Variants in MANBA observed in about 807,000 individuals in gnomAD.
The protein encoded by MANBA is beta-mannosidase.
Under a neutral mutation model 111.1 loss-of-function variants are expected in MANBA, and 83 were observed. That is an observed-to-expected ratio of 0.75 (90% CI 0.63 to 0.90). The LOEUF is 0.90. Among genes scored for constraint, MANBA ranks in the 40% least tolerant of loss-of-function variants. The pLI is 0.00. For synonymous variants in MANBA, 370 were observed against 378.7 expected, an observed-to-expected ratio of 0.98 and a Z score of 0.27; for missense variants, 1,036 against 1,069.0, an observed-to-expected ratio of 0.97 and a Z score of 0.43.
At chr4:102,698,665 G>T (rs1732857223) in intron 5 of MANBA, among the ~76,000 whole-genome samples, 1 of 151,922 alleles carries the variant, frequency 6.6e-6, no homozygotes, top group South Asian at 2.1e-4. Context: ...TCAGATAGTT[G>T]TAGATATACA....
At chr4:102,652,582 T>G (rs1730384611) in intron 12 of MANBA, among the ~76,000 whole-genome samples, 1 of 152,120 alleles carries the variant, frequency 6.6e-6, no homozygotes, top group African/African-American at 2.4e-5. Flanking sequence ...AAAAGAATAT[T>G]AACTTATTTG....
rs566856313 is a variant in MANBA, at chr4:102,632,774, T to C, written c.2416-493A>G. ...ATTAGAGCTTATCTCTTTTACTGCA[T>C]AGTTAAGTAAAGTCACATTATTAGC... On this transcript the variant is annotated intron_variant, in intron 16 of 16. Coordinates refer to ENST00000647097, the MANE Select transcript of MANBA (RefSeq NM_005908.4). 5.3e-5 allele frequency among the ~76,000 whole-genome samples: 8 copies of C among 152,356 alleles called. No homozygotes were observed. The South Asian group carries it at 1.7e-3, about 32-fold the overall frequency.
rs926261595 is a variant in MANBA at position 102,630,828 on chromosome 4, A to T, written c.*1229T>A. 1 of 152,242 alleles carries T rather than the reference A, an allele frequency of 6.6e-6. No individual in the cohort carries two copies. Among genetic ancestry groups the T allele is most frequent in the Non-Finnish European group, 1.5e-5 (1 of 68,042 alleles). 9.4% of individuals were successfully genotyped at this position (152,242 alleles called of 1,614,324 possible). A position where few individuals can be genotyped will look rare whatever the true frequency, so the allele number is the denominator to read the frequency against. ...TGGGTGTTACCACTCCCATTTAGCCACAAGAAAACTGAGCACAGGAAGTTA... is the reference window on the plus strand; with the variant it reads ...TGGGTGTTACCACTCCCATTTAGCCTCAAGAAAACTGAGCACAGGAAGTTA... On this transcript the variant is annotated 3_prime_UTR_variant, in exon 17 of 17. Coordinates refer to ENST00000647097, the MANE Select transcript of MANBA (RefSeq NM_005908.4).
At chr4:102,720,958 TAATGTA>T (rs1317630303) in intron 4 of MANBA, among the ~76,000 whole-genome samples, 3 of 152,240 alleles carry the variant, frequency 2.0e-5, no homozygotes, top group Non-Finnish European at 4.4e-5. Flanking sequence ...ACATATTAGC[TAATGTA>T]ACAGTTCTAC....
chr4:102,729,425 T>C, intron 1 of MANBA: 1 of 1,235,356 alleles, frequency 8.1e-7, no homozygotes, highest in East Asian at 2.3e-5. Flanking sequence ...GAGCGGCTGT[T>C]GTCCATGGGC....
At chr4:102,653,490 G>A (rs891832106) in intron 12 of MANBA, among the ~76,000 whole-genome samples, 4 of 152,114 alleles carry the variant, frequency 2.6e-5, no homozygotes, top group African/African-American at 7.2e-5. Context: ...AAAGAGATAT[G>A]TTTTAATCAA....
At chr4:102,714,585 A>C in intron 4 of MANBA, 24 bp from the exon 5 acceptor site, 1 of 1,600,978 alleles carries the variant, frequency 6.2e-7, no homozygotes, top group Non-Finnish European at 8.6e-7. Flanking sequence ...GAGAAAAAGA[A>C]GATATATTCT....
chr4:102,655,965 T>C (rs1730540047), intron 12 of MANBA, among the ~76,000 whole-genome samples: 1 of 152,172 alleles, frequency 6.6e-6, no homozygotes, highest in African/African-American at 2.4e-5. Flanking sequence ...AATTTTAAAA[T>C]GATCAGGCCA....
At position 102,727,652 on chromosome 4, in the gene MANBA, C is replaced by G. The variant is rs1351550674; in HGVS notation, c.178-969G>C. The stretch of plus-strand genomic sequence containing the variant: ...TTGTATTCCCATTGTGTTTCACAGT[C>G]TTCTCTAAGTTGAACGCAGTCTCAG... On this transcript the variant is annotated intron_variant, in intron 1 of 16. Transcript: ENST00000647097. 2.0e-6 allele frequency: 3 copies of G among 1,484,102 alleles called. No individual in the cohort carries two copies. In the Admixed American group the frequency reaches 5.1e-5, roughly 25 times the overall value. The allele number at this position is 1,484,102 out of a possible 1,614,324, so 91.9% of individuals were successfully genotyped here.
chr4:102,680,712 A>G (rs2110232997), intron 7 of MANBA, among the ~76,000 whole-genome samples: 1 of 152,376 alleles, frequency 6.6e-6, no homozygotes, highest in Non-Finnish European at 1.5e-5. Context: ...TGAACTCCAC[A>G]GTGAATACTG....
chr4:102,635,009 A>G lies in MANBA; in HGVS notation c.2194T>C (p.Cys732Arg). The change falls in exon 16 of 17, where the codon TGC (cysteine) becomes CGC (arginine). Residue 732 changes from cysteine (C) to arginine (R), a missense_variant. Physicochemically the swap from Cys to Arg is radical, Grantham distance 180. Transcript: ENST00000647097. Reference protein sequence around the residue: ...VHTWSSLEPVCSRVTERFVMK... With the variant: ...VHTWSSLEPVRSRVTERFVMK... ...ACAAAACGTTCAGTCACACGAGAGC[A>G]CACGGGCTCCAGGGAGCTCCATGTA... 3 of 1,614,214 alleles carry G rather than the reference A, an allele frequency of 1.9e-6. No homozygotes were observed. The highest frequency in any genetic ancestry group is 2.5e-6 in the Non-Finnish European group (3 of 1,179,996).
At chr4:102,728,784 TC>T in intron 1 of MANBA, 2 of 954,420 alleles carry the variant, frequency 2.1e-6, no homozygotes, top group Non-Finnish European at 3.2e-6. Context: ...GACACCAGCC[TC>T]CCATCATGGG....
intron 7 of MANBA, among the ~76,000 whole-genome samples, chr4:102,688,119 G>A (rs1270287091): frequency 5.4e-4 from 82 of 151,996 alleles, no homozygotes; most frequent in Non-Finnish European, 4.4e-5. Context: ...GTAGTAAGTT[G>A]GAATGACTCA....
intron 1 of MANBA, among the ~76,000 whole-genome samples, chr4:102,731,024 A>G (rs997658131): frequency 6.6e-6 from 1 of 152,112 alleles, no homozygotes; most frequent in African/African-American, 2.4e-5. Flanking sequence ...GGGTCAGCTC[A>G]AACTGTGCAG....
intron 16 of MANBA, among the ~76,000 whole-genome samples, chr4:102,632,862 G>A (rs2866406): frequency 0.55 from 83,617 of 152,072 alleles, 23,435 homozygotes; most frequent in African/African-American, 0.63. Flanking sequence ...AATTTAAATC[G>A]TGTTGGCTCC....
chr4:102,668,951 G>C lies in MANBA; in HGVS notation c.1317+12C>G. ...ATTTGTTTTATTTCTTCTTGGAAGG[G>C]TAGTAACATACCTGGTAGGCAACTT... On this transcript the variant is annotated intron_variant, in intron 10 of 16. Coordinates refer to ENST00000647097, the MANE Select transcript of MANBA (RefSeq NM_005908.4). 1 of 1,587,326 alleles carries C rather than the reference G, an allele frequency of 6.3e-7. No individual in the cohort carries two copies. The highest frequency in any genetic ancestry group is 8.6e-7 in the Non-Finnish European group (1 of 1,156,192).
intron 1 of MANBA, chr4:102,753,890 T>G (rs1239185489): frequency 2.3e-6 from 1 of 430,118 alleles, no homozygotes; most frequent in African/African-American, 2.1e-5. Flanking sequence ...CGAGACCAGC[T>G]TGAGCAACAC....
In MANBA at chr4:102,752,472, T is replaced by C; in HGVS notation, c.177+8246A>G. The stretch of plus-strand genomic sequence containing the variant: ...AGCAACTGATTTCAGGATCTTTAGA[T>C]AACATTGTCAAGTTGTGGGATACAA... On this transcript the variant is annotated intron_variant, in intron 1 of 16. Transcript: ENST00000647097. 3.9e-6 allele frequency: 3 copies of C among 763,290 alleles called. No individual in the cohort carries two copies. In the Admixed American group the frequency reaches 5.2e-5, roughly 13 times the overall value. The allele number at this position is 763,290 out of a possible 1,614,324, so 47.3% of individuals were successfully genotyped here.
intron 5 of MANBA, among the ~76,000 whole-genome samples, chr4:102,699,021 CTT>C (rs1397574251): frequency 1.3e-5 from 2 of 152,102 alleles, no homozygotes; most frequent in Non-Finnish European, 2.9e-5. Context: ...TTTGTATCCT[CTT>C]TTATTTCATT....
Sources: gnomAD v4.1 joint callset for allele counts (sites outside exome capture counted in the v4.1 genomes callset) on GRCh38, gnomAD v4.1.1 for gene constraint, MANE v1.5 for transcripts, NCBI Gene and HGNC (gene_info 2026-07-23, HGNC 2026-07-21) for gene names.